The following CTTN variants were observed in gnomAD, a reference collection of about 807,000 sequenced individuals.
CTTN encodes src substrate cortactin.
In CTTN, 28 loss-of-function variants were observed where a neutral mutation model predicts 84.0. The ratio of observed to expected loss-of-function variants is 0.33; its 90% CI spans 0.25 to 0.46. CTTN has a LOEUF of 0.46. Ranked by LOEUF, CTTN falls within the 20% of genes least tolerant of loss-of-function variation. CTTN has a pLI of 1.00. For missense variants in CTTN, 641 were observed against 723.8 expected (o/e 0.89, Z 1.31); for synonymous variants, 301 against 288.8 (o/e 1.04, Z -0.43).
chr11:70,407,927 C>T (rs1014529739), intron 4 of CTTN: 4 of 255,624 alleles, frequency 1.6e-5, no homozygotes, highest in African/African-American at 8.9e-5. Context: ...ACCTTACAAG[C>T]GAGAGGTTTC....
chr11:70,435,002 C>G, intron 17 of CTTN, 24 bp from the exon 18 acceptor site: 1 of 1,613,220 alleles, frequency 6.2e-7, no homozygotes, highest in Non-Finnish European at 8.5e-7. Context: ...ACTTCAGCAT[C>G]TTTCTCTGTG....
chr11:70,408,728 G>A (rs2058070014), intron 4 of CTTN, among the ~76,000 whole-genome samples: 1 of 152,084 alleles, frequency 6.6e-6, no homozygotes, highest in African/African-American at 2.4e-5. Flanking sequence ...ACAAGTTTTA[G>A]TCCCTCTCTG....
chr11:70,420,369 G>A, intron 9 of CTTN, 31 bp from the exon 10 acceptor site: 1 of 1,462,614 alleles, frequency 6.8e-7, no homozygotes, highest in Non-Finnish European at 9.6e-7. Flanking sequence ...ACCTGTTAAT[G>A]ATGGGTTCTG....
At chr11:70,422,184 C>T (rs2058244505) in intron 11 of CTTN, 1 of 332,656 alleles carries the variant, frequency 3.0e-6, no homozygotes, top group Non-Finnish European at 6.0e-6. Flanking sequence ...GCTCTGCATC[C>T]TTCCTTAGAG....
intron 13 of CTTN, among the ~76,000 whole-genome samples, chr11:70,428,628 T>G (rs2058323454): frequency 6.6e-6 from 1 of 152,206 alleles, no homozygotes; most frequent in African/African-American, 2.4e-5. Flanking sequence ...TTTCCATTTT[T>G]GTCACACACA....
At chr11:70,412,826 C>T (rs1056289286) in intron 5 of CTTN, among the ~76,000 whole-genome samples, 1 of 152,180 alleles carries the variant, frequency 6.6e-6, no homozygotes, top group Non-Finnish European at 1.5e-5. Flanking sequence ...AATGTGAAAT[C>T]GAAGGCAATT....
chr11:70,434,904 G>C, intron 17 of CTTN, 122 bp from the exon 18 acceptor site: 1 of 1,036,590 alleles, frequency 9.6e-7, no homozygotes, highest in Non-Finnish European at 1.5e-6. Flanking sequence ...GCGGTGGTCC[G>C]CATCTCTGCA....
intron 14 of CTTN, among the ~76,000 whole-genome samples, chr11:70,429,826 A>AT (rs149513580): frequency 2.0e-5 from 3 of 152,066 alleles, no homozygotes; most frequent in African/African-American, 7.2e-5. Context: ...CAGCTGGATC[A>AT]GGGGGGTTGT....
intron 4 of CTTN, 67 bp from the exon 5 acceptor site, chr11:70,409,764 C>T: frequency 6.6e-7 from 1 of 1,522,750 alleles, no homozygotes; most frequent in Non-Finnish European, 9.0e-7. Context: ...TCTTATTTAT[C>T]ATACCAGGAG....
intron 9 of CTTN, 128 bp from the exon 10 acceptor site, chr11:70,420,272 C>G (rs1359440426): frequency 1.5e-6 from 1 of 689,566 alleles, no homozygotes; most frequent in Admixed American, 2.3e-5. Flanking sequence ...TAAAGTATTA[C>G]CAAAGATCCG....
Position 70,431,282 on chromosome 11 carries a change from T to C in CTTN, c.1266+2T>C. ...CTGCCCTCGAGCCCCGTCTATGAGGTTGGTGTCTTTGGTGTTTGAATGAGC... is the reference window on the plus strand; with the variant it reads ...CTGCCCTCGAGCCCCGTCTATGAGGCTGGTGTCTTTGGTGTTTGAATGAGC... On this transcript the variant is annotated splice_donor_variant, in intron 15 of 17. Coordinates refer to ENST00000301843, the MANE Select transcript of CTTN (RefSeq NM_005231.4). LOFTEE classifies it high-confidence loss of function. 1.2e-6 allele frequency: 2 copies of C among 1,613,730 alleles called. No homozygotes were observed. Among genetic ancestry groups the C allele is most frequent in the South Asian group, 1.1e-5 (1 of 91,064 alleles).
chr11:70,433,790 A>G, intron 17 of CTTN, 72 bp downstream of exon 17: 2 of 949,664 alleles, frequency 2.1e-6, no homozygotes, highest in South Asian at 1.3e-5. Flanking sequence ...TTTTCTGAGA[A>G]TTCACTTCTC....
chr11:70,409,719 C>T (rs2058078785), intron 4 of CTTN, 112 bp from the exon 5 acceptor site: 4 of 1,210,890 alleles, frequency 3.3e-6, no homozygotes, highest in Non-Finnish European at 4.7e-6. Flanking sequence ...ATCAGATAAG[C>T]AGATTTACAA....
chr11:70,408,700 C>T (rs2058069843), intron 4 of CTTN, among the ~76,000 whole-genome samples: 1 of 152,152 alleles, frequency 6.6e-6, no homozygotes, highest in Admixed American at 6.6e-5. Flanking sequence ...GCACCTGGCC[C>T]CCAGTGGCTT....
rs762856289 is a variant in CTTN at position 70,407,599 on chromosome 11, G to A, written c.161+8G>A. On this transcript the variant is annotated splice_region_variant and intron_variant, in intron 4 of 17. Coordinates refer to ENST00000301843, the MANE Select transcript of CTTN (RefSeq NM_005231.4). The stretch of plus-strand genomic sequence containing the variant: ...GCACCAGGAGCATATCAAGTAAGAG[G>A]CGTCGCCACCACCCTCCCGAGGGCC... 37 of 1,612,740 alleles carry A rather than the reference G, an allele frequency of 2.3e-5. No individual in the cohort carries two copies. The highest frequency in any genetic ancestry group is 3.0e-5 in the Non-Finnish European group (35 of 1,179,954).
chr11:70,436,009 C>T lies in CTTN; in HGVS notation c.*847C>T. 1 of 1,427,566 alleles carries T rather than the reference C, an allele frequency of 7.0e-7. No homozygotes were observed. Among genetic ancestry groups the T allele is most frequent in the Non-Finnish European group, 9.1e-7 (1 of 1,097,592 alleles). The allele number at this position is 1,427,566 out of a possible 1,614,324, so 88.4% of individuals were successfully genotyped here. Reference sequence around the variant, plus strand: ...TGTCACCCATATGGTCCCTGGGCCACCGGGCAGCCTGGGGCGGTGTGTGTG... The same window carrying T: ...TGTCACCCATATGGTCCCTGGGCCATCGGGCAGCCTGGGGCGGTGTGTGTG... On this transcript the variant is annotated 3_prime_UTR_variant, in exon 18 of 18. Transcript: ENST00000301843.
intron 4 of CTTN, 87 bp from the exon 5 acceptor site, chr11:70,409,744 T>G: frequency 3.6e-6 from 5 of 1,388,876 alleles, no homozygotes; most frequent in Non-Finnish European, 5.0e-6. Context: ...ACAAAGATAA[T>G]GTCACCTGTT....
intron 7 of CTTN, chr11:70,416,668 A>C (rs1326691741): frequency 5.2e-6 from 1 of 192,570 alleles, no homozygotes; most frequent in Non-Finnish European, 1.1e-5. Context: ...CCTGGCCTCA[A>C]GTGATCCGCC....
intron 13 of CTTN, among the ~76,000 whole-genome samples, chr11:70,426,987 C>T (rs1820259336): frequency 2.0e-5 from 3 of 152,016 alleles, no homozygotes; most frequent in Admixed American, 6.6e-5. Context: ...CCACCTGCCT[C>T]GGCCTCTCAA....
Sources: allele counts gnomAD v4.1 joint callset (sites outside exome capture counted in the v4.1 genomes callset), GRCh38; gene constraint gnomAD v4.1.1; transcripts MANE v1.5; gene names NCBI Gene and HGNC (gene_info 2026-07-23, HGNC 2026-07-21).